MINDY3: variants seen among roughly 807,000 people sequenced by gnomAD.
MINDY3 encodes MINDY lysine 48 deubiquitinase 3.
MINDY3 carries 38 observed loss-of-function variants against 69.2 expected under a neutral mutation model. The ratio of observed to expected loss-of-function variants is 0.55; its 90% CI spans 0.42 to 0.72. The LOEUF (loss-of-function observed/expected upper bound fraction) is 0.72. Among genes scored for constraint, MINDY3 ranks in the 30% least tolerant of loss-of-function variants. The probability of loss-of-function intolerance (pLI) is 0.00; values close to 1 mark genes in which losing one functional copy is unlikely to be tolerated. For missense variants in MINDY3, 522 were observed against 519.0 expected, an observed-to-expected ratio of 1.01 and a Z score of -0.06; for synonymous variants, 192 against 180.1, an observed-to-expected ratio of 1.07 and a Z score of -0.53.
chr10:15,785,630 A>AAG (rs1836896491), intron 13 of MINDY3, among the ~76,000 whole-genome samples: 1 of 152,190 alleles, frequency 6.6e-6, no homozygotes, highest in South Asian at 2.1e-4. Context: ...TGAAGGCTTT[A>AAG]AGACCAAAGT....
In MINDY3 at chr10:15,804,226, C is replaced by CG. The variant is rs967058027; in HGVS notation, c.883-8055dup. On this transcript the variant is annotated intron_variant, in intron 10 of 14. Coordinates refer to ENST00000277632, the MANE Select transcript of MINDY3 (RefSeq NM_024948.4). ...ACTCAGCTTAAATGCAGAGGGTTGG[C>CG]GGGGGGGCGGGGGATGGAAGTAGGT... Among the ~76,000 whole-genome samples the CG allele has an allele frequency of 1.9e-4, 28 of 150,918 alleles. No individual in the cohort carries two copies. The East Asian group carries it at 2.5e-3, about 14-fold the overall frequency.
chr10:15,846,728 T>G (rs995035293), intron 2 of MINDY3, among the ~76,000 whole-genome samples: 1 of 150,878 alleles, frequency 6.6e-6, no homozygotes, highest in Admixed American at 6.6e-5. Flanking sequence ...GGAATGCATT[T>G]TTTTTTTTTT....
chr10:15,848,632 TCAAAAAA>T (rs1834026445), intron 1 of MINDY3, among the ~76,000 whole-genome samples: 1 of 17,278 alleles, frequency 5.8e-5, no homozygotes, highest in Admixed American at 1.0e-3. Context: ...AGACTTCATC[TCAAAAAA>T]AAAAAAAAAA....
chr10:15,836,382 C>T (rs1430485508), intron 6 of MINDY3, among the ~76,000 whole-genome samples: 1 of 152,024 alleles, frequency 6.6e-6, no homozygotes, highest in Non-Finnish European at 1.5e-5. Context: ...CCAAAACACA[C>T]TGCCATAATG....
At chr10:15,794,424 G>GT (rs1355996903) in intron 11 of MINDY3, among the ~76,000 whole-genome samples, 1 of 152,086 alleles carries the variant, frequency 6.6e-6, no homozygotes, top group Admixed American at 6.6e-5. Context: ...CACGAACAGT[G>GT]TGATATTTAG....
At chr10:15,806,828 C>G (rs183286888) in intron 10 of MINDY3, among the ~76,000 whole-genome samples, 1 of 152,272 alleles carries the variant, frequency 6.6e-6, no homozygotes, top group East Asian at 1.9e-4. Flanking sequence ...TACATCTATA[C>G]AGCTTTCACT....
intron 10 of MINDY3, among the ~76,000 whole-genome samples, chr10:15,809,975 A>G (rs992290924): frequency 2.6e-5 from 4 of 152,138 alleles, no homozygotes; most frequent in African/African-American, 9.7e-5. Context: ...TAAATGATCA[A>G]CCTGAACATT....
Position 15,779,266 on chromosome 10 carries a change from T to C in MINDY3, c.1189-125A>G, listed in dbSNP as rs148739895. ...ATAGTTTCAGATGAAACTTGACATGTAATTTTATTTTGCTAGAAATGAGAA... is the reference window on the plus strand; with the variant it reads ...ATAGTTTCAGATGAAACTTGACATGCAATTTTATTTTGCTAGAAATGAGAA... On this transcript the variant is annotated intron_variant, in intron 14 of 14. Transcript: ENST00000277632. The C allele has an allele frequency of 9.3e-4, 648 of 695,686 alleles. 4 individuals are homozygous for C. In the African/African-American group the frequency reaches 0.011, roughly 12 times the overall value. 43.1% of individuals were successfully genotyped at this position (695,686 alleles called of 1,614,324 possible).
At chr10:15,804,837 C>G (rs985081313) in intron 10 of MINDY3, among the ~76,000 whole-genome samples, 1 of 152,080 alleles carries the variant, frequency 6.6e-6, no homozygotes, top group Non-Finnish European at 1.5e-5. Context: ...ATCCCAATAC[C>G]TGAAAGCAGG....
At chr10:15,816,282 G>GAAAAAAAAAAAA (rs1421619763) in intron 10 of MINDY3, among the ~76,000 whole-genome samples, 7 of 108,510 alleles carry the variant, frequency 6.5e-5, no homozygotes, top group African/African-American at 4.4e-4. Context: ...AAAAAAAAAT[G>GAAAAAAAAAAAA]AAAAAGAAAA....
chr10:15,787,485 G>A (rs1837062553), intron 12 of MINDY3, among the ~76,000 whole-genome samples: 1 of 152,132 alleles, frequency 6.6e-6, no homozygotes, highest in African/African-American at 2.4e-5. Context: ...ATTTCAGGTG[G>A]TTCTAGTCAA....
chr10:15,815,362 C>T (rs553719322), intron 10 of MINDY3, among the ~76,000 whole-genome samples: 38 of 152,254 alleles, frequency 2.5e-4, no homozygotes, highest in Non-Finnish European at 4.9e-4. Flanking sequence ...GCTCTATAAC[C>T]CCTATCTGGA....
chr10:15,781,500 C>T (rs1015658907), intron 14 of MINDY3, among the ~76,000 whole-genome samples: 8 of 151,492 alleles, frequency 5.3e-5, no homozygotes, highest in Non-Finnish European at 8.8e-5. Context: ...TCAATGCAGC[C>T]GAACTCTAGC....
At chr10:15,825,936 A>G (rs1484506543) in intron 8 of MINDY3, among the ~76,000 whole-genome samples, 1 of 152,170 alleles carries the variant, frequency 6.6e-6, no homozygotes, top group Non-Finnish European at 1.5e-5. Flanking sequence ...CCTATCCCAT[A>G]AAGAAAATTA....
At chr10:15,809,710 A>C (rs1403041971) in intron 10 of MINDY3, among the ~76,000 whole-genome samples, 1 of 152,128 alleles carries the variant, frequency 6.6e-6, no homozygotes, top group Non-Finnish European at 1.5e-5. Flanking sequence ...TCCTGAAGTT[A>C]GATTCTGTGA....
At chr10:15,788,497 T>C (rs1771402064) in intron 12 of MINDY3, among the ~76,000 whole-genome samples, 2 of 152,026 alleles carry the variant, frequency 1.3e-5, no homozygotes, top group South Asian at 2.1e-4. Context: ...TCTTTCATTA[T>C]GTTTGATAAG....
chr10:15,843,897 C>A (rs562232117), intron 2 of MINDY3, among the ~76,000 whole-genome samples: 1 of 152,190 alleles, frequency 6.6e-6, no homozygotes, highest in African/African-American at 2.4e-5. Flanking sequence ...GTAGCTATAT[C>A]CCAGTCACCT....
At chr10:15,847,587 TAAAG>T (rs770948397) in intron 2 of MINDY3, among the ~76,000 whole-genome samples, 1 of 152,164 alleles carries the variant, frequency 6.6e-6, no homozygotes, top group Non-Finnish European at 1.5e-5. Flanking sequence ...ATCTCTGTGT[TAAAG>T]AAGTCAAGAA....
chr10:15,800,766 G>A (rs1012516313), intron 10 of MINDY3, among the ~76,000 whole-genome samples: 6 of 152,074 alleles, frequency 3.9e-5, no homozygotes, highest in Admixed American at 3.3e-4. Flanking sequence ...CATAAATATC[G>A]TAAAGAAAGA....
Sources: gnomAD v4.1 joint callset for allele counts (sites outside exome capture counted in the v4.1 genomes callset) on GRCh38, gnomAD v4.1.1 for gene constraint, MANE v1.5 for transcripts, NCBI Gene and HGNC (gene_info 2026-07-23, HGNC 2026-07-21) for gene names.